Variants in CACNA2D1 observed in about 807,000 individuals in gnomAD.
CACNA2D1 encodes voltage-dependent calcium channel subunit alpha-2/delta-1.
CACNA2D1 carries 53 observed loss-of-function variants against 171.5 expected under a neutral mutation model. The observed-to-expected ratio is 0.31, with a 90% CI of 0.25 to 0.39. The LOEUF is 0.39. Ranked by LOEUF, CACNA2D1 falls within the 10% of genes least tolerant of loss-of-function variation. The pLI is 1.00. For synonymous variants in CACNA2D1, 442 were observed against 443.1 expected, an observed-to-expected ratio of 1.00 and a Z score of 0.03; for missense variants, 903 against 1,299.8, an observed-to-expected ratio of 0.69 and a Z score of 4.69.
intron 6 of CACNA2D1, among the ~76,000 whole-genome samples, chr7:82,097,619 A>G (rs1209598552): frequency 6.6e-6 from 1 of 152,172 alleles, no homozygotes; most frequent in African/African-American, 2.4e-5. Context: ...AATTTTGAAC[A>G]TAACGTGAGG....
chr7:82,351,530 T>A (rs554700491), intron 1 of CACNA2D1, among the ~76,000 whole-genome samples: 9 of 151,990 alleles, frequency 5.9e-5, no homozygotes, highest in African/African-American at 1.9e-4. Context: ...CTTTAGCACA[T>A]ATGAAAATAA....
At chr7:82,026,740 A>ATTT (rs1395424289) in intron 12 of CACNA2D1, among the ~76,000 whole-genome samples, 1 of 151,748 alleles carries the variant, frequency 6.6e-6, no homozygotes, top group Non-Finnish European at 1.5e-5. Flanking sequence ...ATCCACACAC[A>ATTT]TTTGAAGCCA....
chr7:82,136,331 G>T (rs1791600253), intron 5 of CACNA2D1, among the ~76,000 whole-genome samples: 1 of 152,044 alleles, frequency 6.6e-6, no homozygotes, highest in African/African-American at 2.4e-5. Context: ...GGATTGGATA[G>T]CTATTTTCAA....
chr7:82,144,839 G>A (rs1356180710), intron 4 of CACNA2D1, among the ~76,000 whole-genome samples: 1 of 151,916 alleles, frequency 6.6e-6, no homozygotes, highest in Non-Finnish European at 1.5e-5. Flanking sequence ...TTGCATGCTT[G>A]AATATCAGAG....
At chr7:82,168,521 A>C (rs1344885640) in intron 4 of CACNA2D1, among the ~76,000 whole-genome samples, 1 of 152,118 alleles carries the variant, frequency 6.6e-6, no homozygotes, top group Non-Finnish European at 1.5e-5. Flanking sequence ...CATTCAATAA[A>C]ATATGGTAAT....
At chr7:82,129,583 C>G (rs934644138) in intron 5 of CACNA2D1, among the ~76,000 whole-genome samples, 4 of 152,096 alleles carry the variant, frequency 2.6e-5, no homozygotes, top group Admixed American at 2.0e-4. Flanking sequence ...TGGTTTTAGT[C>G]TACTTTTTAT....
chr7:82,233,759 T>C (rs1803226135), intron 3 of CACNA2D1, among the ~76,000 whole-genome samples: 3 of 152,102 alleles, frequency 2.0e-5, no homozygotes. Context: ...TAGTTATATT[T>C]GCATAACAGG....
intron 6 of CACNA2D1, among the ~76,000 whole-genome samples, chr7:82,102,825 G>T (rs1812846356): frequency 6.6e-6 from 1 of 152,124 alleles, no homozygotes; most frequent in East Asian, 1.9e-4. Flanking sequence ...GTTAGAAAGG[G>T]TGCATAATCC....
chr7:81,969,845 A>C lies in CACNA2D1; in HGVS notation c.2308+36T>G, dbSNP rs747901153. ...TAGTAGCAGTAATTTATTATTTAAA[A>C]AATTGAGAAAAGCTGAATTCCAAAG... On this transcript the variant is annotated intron_variant, in intron 28 of 38. Transcript: ENST00000356860. The C allele has an allele frequency of 4.1e-6, 5 of 1,230,720 alleles. No homozygotes were observed. The Admixed American group carries it at 8.5e-5, about 21-fold the overall frequency. 76.2% of individuals were successfully genotyped at this position (1,230,720 alleles called of 1,614,324 possible). A position where few individuals can be genotyped will look rare whatever the true frequency, so the allele number is the denominator to read the frequency against.
chr7:82,184,116 C>T (rs768931051), intron 3 of CACNA2D1, among the ~76,000 whole-genome samples: 7 of 148,606 alleles, frequency 4.7e-5, no homozygotes, highest in African/African-American at 1.5e-4. Context: ...TGATCTTAGA[C>T]GGTAGGCAAA....
chr7:82,189,085 G>A (rs1585047522), intron 3 of CACNA2D1, among the ~76,000 whole-genome samples: 3 of 152,122 alleles, frequency 2.0e-5, no homozygotes, highest in African/African-American at 7.2e-5. Context: ...TATTACTTGG[G>A]TGGCAAAATT....
At chr7:82,215,493 A>C (rs1801007185) in intron 3 of CACNA2D1, among the ~76,000 whole-genome samples, 1 of 152,180 alleles carries the variant, frequency 6.6e-6, no homozygotes, top group Non-Finnish European at 1.5e-5. Flanking sequence ...CAAATAAACC[A>C]TTCCATGAAA....
intron 1 of CACNA2D1, among the ~76,000 whole-genome samples, chr7:82,382,685 C>T (rs1823844831): frequency 6.6e-6 from 1 of 152,146 alleles, no homozygotes; most frequent in African/African-American, 2.4e-5. Flanking sequence ...AGGGGACCAC[C>T]TCCTCCATAA....
intron 10 of CACNA2D1, among the ~76,000 whole-genome samples, chr7:82,044,867 A>T (rs1370754898): frequency 6.6e-6 from 1 of 152,160 alleles, no homozygotes; most frequent in Non-Finnish European, 1.5e-5. Context: ...GATTATTCTA[A>T]AATCCGGATA....
intron 38 of CACNA2D1, among the ~76,000 whole-genome samples, chr7:81,952,888 T>A: frequency 6.6e-6 from 1 of 152,068 alleles, no homozygotes; most frequent in African/African-American, 2.4e-5. Context: ...CTCATAGGGA[T>A]TTCAAACTTG....
intron 4 of CACNA2D1, among the ~76,000 whole-genome samples, chr7:82,152,014 G>C (rs1487720241): frequency 1.3e-5 from 2 of 151,894 alleles, no homozygotes; most frequent in Non-Finnish European, 2.9e-5. Flanking sequence ...AGCAGATCTA[G>C]AAACACATAA....
intron 1 of CACNA2D1, among the ~76,000 whole-genome samples, chr7:82,380,783 C>T (rs1175731536): frequency 6.6e-6 from 1 of 152,020 alleles, no homozygotes. Flanking sequence ...CGACCTCCGC[C>T]TGCCAGGTTC....
chr7:82,417,789 T>C (rs1828319980), intron 1 of CACNA2D1, among the ~76,000 whole-genome samples: 1 of 152,178 alleles, frequency 6.6e-6, no homozygotes, highest in Non-Finnish European at 1.5e-5. Context: ...CTTCTGCCCA[T>C]TTATAAATAT....
At chr7:82,177,087 T>TTTTTTTTTTTTTTTTTG (rs1563160670) in intron 3 of CACNA2D1, among the ~76,000 whole-genome samples, 1 of 41,506 alleles carries the variant, frequency 2.4e-5, no homozygotes. Context: ...TTTTTTTTTT[T>TTTTTTTTTTTTTTTTTG]GGCGGGGGTT....
Sources: allele counts gnomAD v4.1 joint callset (sites outside exome capture counted in the v4.1 genomes callset), GRCh38; gene constraint gnomAD v4.1.1; transcripts MANE v1.5; gene names NCBI Gene and HGNC (gene_info 2026-07-23, HGNC 2026-07-21).